MYT1L: variants seen among roughly 807,000 people sequenced by gnomAD.
MYT1L encodes the protein myelin transcription factor 1 like.
MYT1L carries 12 observed loss-of-function variants against 126.7 expected under a neutral mutation model. That is an observed-to-expected ratio of 0.09 (90% confidence interval 0.06 to 0.15). MYT1L has a LOEUF of 0.15. Among genes scored for constraint, MYT1L ranks in the 10% least tolerant of loss-of-function variants. The probability of loss-of-function intolerance (pLI) is 1.00; values close to 1 mark genes in which losing one functional copy is unlikely to be tolerated. For missense variants in MYT1L, 979 were observed against 1,585.2 expected (o/e 0.62, Z 6.49); for synonymous variants, 541 against 604.2 (o/e 0.90, Z 1.53).
intron 5 of MYT1L, among the ~76,000 whole-genome samples, chr2:1,991,119 A>T (rs13396251): frequency 0.22 from 33,846 of 152,020 alleles, 4,365 homozygotes; most frequent in African/African-American, 0.36. Flanking sequence ...GCTGGTCTCA[A>T]CTACGTCTCT....
intron 2 of MYT1L, among the ~76,000 whole-genome samples, chr2:2,198,962 T>C (rs540068226): frequency 6.6e-6 from 1 of 152,194 alleles, no homozygotes; most frequent in Non-Finnish European, 1.5e-5. Flanking sequence ...TCCATAAGCA[T>C]GTACAATTAC....
At chr2:1,874,587 G>T (rs965367814) in intron 18 of MYT1L, among the ~76,000 whole-genome samples, 1 of 152,182 alleles carries the variant, frequency 6.6e-6, no homozygotes, top group Non-Finnish European at 1.5e-5. Context: ...TGGTCCAGCG[G>T]CTGGGCCGGA....
At chr2:2,326,050 G>A (rs549712327) in intron 1 of MYT1L, 1 of 152,344 alleles carries the variant, frequency 6.6e-6, no homozygotes, top group South Asian at 2.1e-4. Flanking sequence ...TTGTGGAAGA[G>A]CTGGTGGCCA....
chr2:1,812,993 G>A (rs2036928534), intron 21 of MYT1L, among the ~76,000 whole-genome samples: 1 of 152,124 alleles, frequency 6.6e-6, no homozygotes, highest in Non-Finnish European at 1.5e-5. Context: ...GTAGGACAAG[G>A]GTGACGCCTG....
intron 21 of MYT1L, among the ~76,000 whole-genome samples, chr2:1,838,706 T>C (rs2041232713): frequency 6.6e-6 from 1 of 152,208 alleles, no homozygotes; most frequent in Non-Finnish European, 1.5e-5. Flanking sequence ...ATGAGGTTGA[T>C]GGGGTTTTTT....
Position 1,979,223 on chromosome 2 carries a change from G to C in MYT1L, c.94C>G (p.Pro32Ala). 6.2e-7 allele frequency: 1 copy of C among 1,613,816 alleles called. No homozygotes were observed. Among genetic ancestry groups the C allele is most frequent in the Non-Finnish European group, 8.5e-7 (1 of 1,179,822 alleles). The change falls in exon 8 of 25, where the codon CCC (proline) becomes GCC (alanine). Residue 32 changes from proline (P) to alanine (A), a missense_variant. By Grantham distance (27) the Pro-to-Ala change is conservative. Coordinates refer to ENST00000647738, the MANE Select transcript of MYT1L (RefSeq NM_001303052.2). This position sits in a 1 kb window ranked among gnomAD's most constrained non-coding sequence, Gnocchi z 4.0. ...EPAIQELFSC[P>A]TPGCDGSGHV... is the part of the protein sequence containing the mutation. Reference sequence around the variant, plus strand: ...CCACTGCCGTCACAGCCAGGGGTGGGACAGCTGCAACAGGAAAGAATGGAT... The same window carrying C: ...CCACTGCCGTCACAGCCAGGGGTGGCACAGCTGCAACAGGAAAGAATGGAT...
chr2:1,819,216 GAA>G (rs1310932102), intron 21 of MYT1L, among the ~76,000 whole-genome samples: 1 of 152,222 alleles, frequency 6.6e-6, no homozygotes, highest in Non-Finnish European at 1.5e-5. Flanking sequence ...GAAGGCCTGA[GAA>G]GAGACGTTTT....
intron 22 of MYT1L, among the ~76,000 whole-genome samples, chr2:1,807,233 T>C (rs139706680): frequency 3.8e-4 from 58 of 152,336 alleles, no homozygotes; most frequent in African/African-American, 1.3e-3. Flanking sequence ...TGTTGAGGAA[T>C]AGTTTGTACT....
In MYT1L at chr2:1,922,346, C is replaced by T. The variant is rs747816343; in HGVS notation, c.1423G>A (p.Gly475Arg). ...CTGGATTTAGGCTTTCTGTCCTCCC[C>T]GGGAAGTTGTCTCGGAGACTGGTCC... ...YEDQSPRQLP[G>R]EDRKPKSSDS... The change falls in exon 10 of 25, where the codon GGG becomes AGG. Residue 475 changes from glycine to arginine, a missense_variant. Coordinates refer to ENST00000647738, the MANE Select transcript of MYT1L (RefSeq NM_001303052.2). The surrounding 1 kb of genome is among the most constrained non-coding windows in gnomAD (Gnocchi z 7.4). 4 of 1,613,830 alleles carry T rather than the reference C, an allele frequency of 2.5e-6. No individual in the cohort carries two copies. Among genetic ancestry groups the T allele is most frequent in the African/African-American group, 1.3e-5 (1 of 74,906 alleles).
Position 2,017,726 on chromosome 2 carries a change from C to CTCCATCCATCCATCCA in MYT1L, c.-157-20395_-157-20380dup, listed in dbSNP as rs146462005. On this transcript the variant is annotated intron_variant, in intron 4 of 24. Coordinates refer to ENST00000647738, the MANE Select transcript of MYT1L (RefSeq NM_001303052.2). ...TATCTATCTATCTAACCATCCATCCCTCCATCCATCCATCCATCCATCCAT... is the reference window on the plus strand; with the variant it reads ...TATCTATCTATCTAACCATCCATCCCTCCATCCATCCATCCATCCATCCATCCATCCATCCATCCAT... 8.2e-4 allele frequency among the ~76,000 whole-genome samples: 125 copies of CTCCATCCATCCATCCA among 151,968 alleles called. 1 individual carries two copies. The South Asian group carries it at 0.019, about 23-fold the overall frequency.
At chr2:1,851,397 G>T (rs1342601679) in intron 19 of MYT1L, among the ~76,000 whole-genome samples, 1 of 152,162 alleles carries the variant, frequency 6.6e-6, no homozygotes, top group African/African-American at 2.4e-5. Context: ...ATGTTTCTCA[G>T]TGGGGCCACT....
rs529243400 is a variant in MYT1L at position 2,123,826 on chromosome 2, G to T, written c.-304+49046C>A. On this transcript the variant is annotated intron_variant, in intron 3 of 24. Transcript: ENST00000647738. ...AGTCCTCACAAGGGTCTCTGTAAGG[G>T]AAAGAGGAAGGCAAGAGGGTCAGAG... Among the ~76,000 whole-genome samples, 197 of 152,326 alleles carry T rather than the reference G, an allele frequency of 1.3e-3. 1 individual carries two copies. The highest frequency in any genetic ancestry group is 4.1e-3 in the African/African-American group (170 of 41,578).
intron 21 of MYT1L, among the ~76,000 whole-genome samples, chr2:1,817,493 C>G (rs2037851070): frequency 6.6e-6 from 1 of 152,220 alleles, no homozygotes; most frequent in Non-Finnish European, 1.5e-5. Context: ...GAGCCTTCAG[C>G]AAGAGTTTGG....
rs2049613511 is a variant in MYT1L at position 1,896,660 on chromosome 2, C to T, written c.2033-4373G>A. Reference sequence around the variant, plus strand: ...AACATAGAGCACACAGGGACATAAACATGGGAACAATCGACACTGTGGACA... The same window carrying T: ...AACATAGAGCACACAGGGACATAAATATGGGAACAATCGACACTGTGGACA... On this transcript the variant is annotated intron_variant, in intron 14 of 24. Coordinates refer to ENST00000647738, the MANE Select transcript of MYT1L (RefSeq NM_001303052.2). Among the ~76,000 whole-genome samples, 3 of 152,144 alleles carry T rather than the reference C, an allele frequency of 2.0e-5. No individual in the cohort carries two copies. The South Asian group carries it at 6.2e-4, about 32-fold the overall frequency.
intron 3 of MYT1L, among the ~76,000 whole-genome samples, chr2:2,156,243 A>G (rs1399798913): frequency 6.6e-6 from 1 of 152,198 alleles, no homozygotes; most frequent in Non-Finnish European, 1.5e-5. Flanking sequence ...AGGGACATTT[A>G]CTTGTTTATC....
At position 2,180,972 on chromosome 2, in the gene MYT1L, CTGTG is replaced by C. The variant is rs200510157; in HGVS notation, c.-420-7988_-420-7985del. ...CCTGTGTGTGCACCTGTAACCGTACCTGTGTGTGTACCTGTGTGTGCTTGTGTAT... is the reference window on the plus strand; with the variant it reads ...CCTGTGTGTGCACCTGTAACCGTACCTGTGTACCTGTGTGTGCTTGTGTAT... On this transcript the variant is annotated intron_variant, in intron 2 of 24. Transcript: ENST00000647738. 5.4e-3 allele frequency among the ~76,000 whole-genome samples: 773 copies of C among 143,622 alleles called. 32 individuals are homozygous for C. The highest frequency in any genetic ancestry group is 0.018 in the African/African-American group (697 of 37,738). The allele number at this position is 143,622 out of a possible 152,430, so 94.2% of individuals were successfully genotyped here. A position where few individuals can be genotyped will look rare whatever the true frequency, so the allele number is the denominator to read the frequency against.
chr2:2,194,797 A>G (rs1173329478), intron 2 of MYT1L, among the ~76,000 whole-genome samples: 1 of 152,236 alleles, frequency 6.6e-6, no homozygotes, highest in Non-Finnish European at 1.5e-5. Flanking sequence ...CTTTAAGCCA[A>G]GAACCAAGTT....
intron 1 of MYT1L, among the ~76,000 whole-genome samples, chr2:2,299,150 C>T (rs1317601238): frequency 6.6e-6 from 1 of 152,196 alleles, no homozygotes; most frequent in Non-Finnish European, 1.5e-5. Context: ...CCGAGCCCTG[C>T]CAACTCTGTG....
intron 2 of MYT1L, among the ~76,000 whole-genome samples, chr2:2,201,627 G>T (rs2093076112): frequency 6.6e-6 from 1 of 151,912 alleles, no homozygotes; most frequent in Admixed American, 6.6e-5. Flanking sequence ...GAACCCAGGA[G>T]GCGGAAGCTG....
Sources: gnomAD v4.1 joint callset for allele counts (sites outside exome capture counted in the v4.1 genomes callset) on GRCh38, gnomAD v4.1.1 for gene constraint, Gnocchi (gnomAD v3.1) non-coding constraint, MANE v1.5 for transcripts, NCBI Gene and HGNC (gene_info 2026-07-23, HGNC 2026-07-21) for gene names.